Variants in IGF1R observed in about 807,000 individuals in gnomAD.
The protein encoded by IGF1R is insulin-like growth factor 1 receptor.
IGF1R carries 44 observed loss-of-function variants against 144.6 expected under a neutral mutation model. The ratio of observed to expected loss-of-function variants is 0.30; its 90% CI spans 0.24 to 0.39. IGF1R has a LOEUF of 0.39. Ranked by LOEUF, IGF1R falls within the 10% of genes least tolerant of loss-of-function variation. The pLI, the probability that IGF1R is intolerant of heterozygous loss-of-function variation, is 1.00. For missense variants in IGF1R, 1,355 were observed against 1,833.7 expected, an observed-to-expected ratio of 0.74 and a Z score of 4.77; for synonymous variants, 795 against 722.8, an observed-to-expected ratio of 1.10 and a Z score of -1.60.
intron 1 of IGF1R, among the ~76,000 whole-genome samples, chr15:98,658,107 C>T (rs182539544): frequency 2.1e-4 from 32 of 152,312 alleles, no homozygotes; most frequent in Admixed American, 2.0e-3. Context: ...TAATCCTGTG[C>T]TGTAGGGATC....
At chr15:98,732,005 A>T (rs141854658) in intron 2 of IGF1R, among the ~76,000 whole-genome samples, 1 of 152,320 alleles carries the variant, frequency 6.6e-6, no homozygotes, top group Middle Eastern at 3.4e-3. Flanking sequence ...GGCGTGCAGC[A>T]TTCGTATTCA....
chr15:98,802,418 G>A (rs2056382138), intron 2 of IGF1R, among the ~76,000 whole-genome samples: 1 of 152,154 alleles, frequency 6.6e-6, no homozygotes, highest in South Asian at 2.1e-4. Context: ...GAAGGTGCTA[G>A]CCCTAGTTTT....
At chr15:98,939,486 G>A in intron 18 of IGF1R, 126 bp downstream of exon 18, 1 of 890,948 alleles carries the variant, frequency 1.1e-6, no homozygotes, top group Non-Finnish European at 1.9e-6. Context: ...CTCCTTCTTG[G>A]GAATGATGTG....
At chr15:98,823,773 C>A (rs2056842820) in intron 2 of IGF1R, among the ~76,000 whole-genome samples, 2 of 152,114 alleles carry the variant, frequency 1.3e-5, no homozygotes, top group Non-Finnish European at 2.9e-5. Context: ...AGCTGCCACC[C>A]CCATTTTCTG....
intron 2 of IGF1R, among the ~76,000 whole-genome samples, chr15:98,854,393 A>G (rs1317582599): frequency 6.6e-6 from 1 of 152,166 alleles, no homozygotes; most frequent in Non-Finnish European, 1.5e-5. Context: ...GACTCAGTGA[A>G]GTGCCTTAGG....
At chr15:98,659,839 A>G (rs1049299138) in intron 1 of IGF1R, among the ~76,000 whole-genome samples, 2 of 152,226 alleles carry the variant, frequency 1.3e-5, no homozygotes, top group Non-Finnish European at 2.9e-5. Flanking sequence ...AACAGGTAGT[A>G]ACACTTTCAT....
At chr15:98,924,729 G>A (rs2015638536) in intron 13 of IGF1R, 45 bp downstream of exon 13, 1 of 1,563,524 alleles carries the variant, frequency 6.4e-7, no homozygotes, top group Admixed American at 1.7e-5. Context: ...ACTGAAAGCA[G>A]GGTGGTCCAG....
chr15:98,895,416 T>G, intron 3 of IGF1R, among the ~76,000 whole-genome samples: 1 of 84,560 alleles, frequency 1.2e-5, no homozygotes, highest in African/African-American at 4.1e-5. Context: ...AAAATAAAAT[T>G]TTTTTTTTTA....
intron 2 of IGF1R, among the ~76,000 whole-genome samples, chr15:98,775,142 C>A (rs991606367): frequency 6.6e-6 from 1 of 152,106 alleles, no homozygotes; most frequent in Non-Finnish European, 1.5e-5. Flanking sequence ...TGGTTCCAGG[C>A]CCCTGGAGCA....
intron 2 of IGF1R, among the ~76,000 whole-genome samples, chr15:98,776,885 A>G (rs1477551080): frequency 6.6e-6 from 1 of 152,148 alleles, no homozygotes; most frequent in Non-Finnish European, 1.5e-5. Context: ...TCATCGTCTC[A>G]GGTATGTGTC....
chr15:98,803,752 C>T (rs926597897), intron 2 of IGF1R, among the ~76,000 whole-genome samples: 22 of 152,058 alleles, frequency 1.4e-4, no homozygotes, highest in Admixed American at 2.6e-4. Flanking sequence ...GTGATCCACC[C>T]GCCTCGGCCT....
chr15:98,730,021 G>T (rs967001252), intron 2 of IGF1R, among the ~76,000 whole-genome samples: 1 of 152,198 alleles, frequency 6.6e-6, no homozygotes, highest in African/African-American at 2.4e-5. Context: ...AGCAGAATTT[G>T]TGTCAGTGGC....
intron 2 of IGF1R, among the ~76,000 whole-genome samples, chr15:98,838,069 C>A (rs1020969487): frequency 6.6e-6 from 1 of 152,144 alleles, no homozygotes. Context: ...TCTTTACTAA[C>A]AGACTTTATT....
At chr15:98,666,306 A>G (rs946835214) in intron 1 of IGF1R, among the ~76,000 whole-genome samples, 8 of 151,604 alleles carry the variant, frequency 5.3e-5, no homozygotes, top group Non-Finnish European at 1.0e-4. Flanking sequence ...TTTTTTTAAC[A>G]GGAAGATGAT....
chr15:98,738,954 C>T (rs1401296444), intron 2 of IGF1R, among the ~76,000 whole-genome samples: 1 of 143,448 alleles, frequency 7.0e-6, no homozygotes, highest in Non-Finnish European at 1.5e-5. Context: ...AAGATGTATA[C>T]TCTTACATAC....
chr15:98,820,132 C>T (rs1051407248), intron 2 of IGF1R, among the ~76,000 whole-genome samples: 10 of 152,102 alleles, frequency 6.6e-5, no homozygotes, highest in Non-Finnish European at 1.2e-4. Context: ...TGAAGTTCAG[C>T]CATCACTAGT....
chr15:98,714,596 C>T (rs1005671187), intron 2 of IGF1R, among the ~76,000 whole-genome samples: 1 of 150,222 alleles, frequency 6.7e-6, no homozygotes, highest in South Asian at 2.1e-4. Context: ...TACAGTGAGC[C>T]GTGGTTGTGC....
intron 2 of IGF1R, among the ~76,000 whole-genome samples, chr15:98,795,072 G>T (rs1220346929): frequency 2.6e-5 from 4 of 152,186 alleles, no homozygotes; most frequent in Non-Finnish European, 5.9e-5. Flanking sequence ...ATTTGCTGAT[G>T]TTGTAAGCAC....
At chr15:98,710,919 C>G (rs1251778257) in intron 2 of IGF1R, among the ~76,000 whole-genome samples, 1 of 152,312 alleles carries the variant, frequency 6.6e-6, no homozygotes, top group African/African-American at 2.4e-5. Context: ...ATCCGCCCGC[C>G]TCAGCCTCCC....
Sources: allele counts gnomAD v4.1 joint callset (sites outside exome capture counted in the v4.1 genomes callset), GRCh38; gene constraint gnomAD v4.1.1; transcripts MANE v1.5; gene names NCBI Gene and HGNC (gene_info 2026-07-23, HGNC 2026-07-21).